SRPK2: variants seen among roughly 807,000 people sequenced by gnomAD.
SRPK2 encodes the protein SRSF protein kinase 2.
In SRPK2, 21 loss-of-function variants were observed where a neutral mutation model predicts 90.8. The observed-to-expected ratio is 0.23, with a 90% confidence interval of 0.16 to 0.33. The LOEUF (loss-of-function observed/expected upper bound fraction) is 0.33, where lower values mean the gene tolerates loss of function less well. Ranked by LOEUF, SRPK2 falls within the 10% of genes least tolerant of loss-of-function variation. SRPK2 has a pLI of 1.00. For synonymous variants in SRPK2, 288 were observed against 311.1 expected (o/e 0.93, Z 0.78); for missense variants, 620 against 869.0 (o/e 0.71, Z 3.60).
chr7:105,317,217 T>A (rs59946584), intron 2 of SRPK2, among the ~76,000 whole-genome samples: 1,532 of 152,348 alleles, frequency 0.01, 17 homozygotes, highest in African/African-American at 0.035. Context: ...ATTAAGCTGC[T>A]GGCATCTTAG....
chr7:105,291,304 T>C (rs1325122971), intron 2 of SRPK2, among the ~76,000 whole-genome samples: 1 of 152,222 alleles, frequency 6.6e-6, no homozygotes. Flanking sequence ...CTTGCCAAAG[T>C]ATTTTCACTC....
chr7:105,398,679 C>T (rs1378416061), intron 1 of SRPK2, among the ~76,000 whole-genome samples: 1 of 152,144 alleles, frequency 6.6e-6, no homozygotes, highest in African/African-American at 2.4e-5. Flanking sequence ...CTAATCTGCC[C>T]ATTCAATTAT....
chr7:105,126,773 G>A (rs1251054241), intron 14 of SRPK2, among the ~76,000 whole-genome samples: 3 of 152,356 alleles, frequency 2.0e-5, no homozygotes, highest in African/African-American at 7.2e-5. Context: ...AGCCGCTGGT[G>A]TAGGGCCCCT....
intron 2 of SRPK2, among the ~76,000 whole-genome samples, chr7:105,372,372 A>G (rs1213586339): frequency 6.6e-6 from 1 of 152,178 alleles, no homozygotes; most frequent in Non-Finnish European, 1.5e-5. Flanking sequence ...ACATTTGACT[A>G]TTTCATGTAT....
At chr7:105,386,469 T>C (rs1471665585) in intron 2 of SRPK2, among the ~76,000 whole-genome samples, 1 of 152,112 alleles carries the variant, frequency 6.6e-6, no homozygotes, top group Non-Finnish European at 1.5e-5. Flanking sequence ...ATCCCAGCTG[T>C]GTGGGAGGCC....
At chr7:105,391,924 A>G (rs573962654), upstream of SRPK2, among the ~76,000 whole-genome samples, 45 of 152,366 alleles carry the variant, frequency 3.0e-4, no homozygotes, top group Admixed American at 1.4e-3. Flanking sequence ...TAGCAGCGCT[A>G]TCACAGCCAA....
intron 2 of SRPK2, among the ~76,000 whole-genome samples, chr7:105,303,316 G>C (rs781591585): frequency 1.3e-5 from 2 of 152,066 alleles, no homozygotes; most frequent in Non-Finnish European, 2.9e-5. Flanking sequence ...GCCTGTCGTG[G>C]GGTGGGAGCT....
chr7:105,201,293 T>G (rs1795517818), intron 3 of SRPK2, among the ~76,000 whole-genome samples: 2 of 151,606 alleles, frequency 1.3e-5, no homozygotes, highest in African/African-American at 2.4e-5. Context: ...TTACCAAATT[T>G]GGGGGGGGCT....
chr7:105,198,196 G>A (rs1472770780), intron 3 of SRPK2, among the ~76,000 whole-genome samples: 4 of 152,050 alleles, frequency 2.6e-5, no homozygotes, highest in Non-Finnish European at 4.4e-5. Flanking sequence ...TTAAATATTT[G>A]GATTCCTAAG....
intron 13 of SRPK2, 122 bp from the exon 14 acceptor site, chr7:105,127,184 G>T (rs1801329382): frequency 1.2e-6 from 1 of 801,874 alleles, no homozygotes; most frequent in African/African-American, 1.7e-5. Context: ...ATAGCCTCCT[G>T]AAAGTGCTCA....
chr7:105,220,334 C>T (rs1177765684), intron 2 of SRPK2, among the ~76,000 whole-genome samples: 1 of 152,056 alleles, frequency 6.6e-6, no homozygotes, highest in Non-Finnish European at 1.5e-5. Context: ...CGATACCAGC[C>T]TGGCCAACAT....
chr7:105,353,041 C>T (rs921800370), intron 2 of SRPK2, among the ~76,000 whole-genome samples: 1 of 152,164 alleles, frequency 6.6e-6, no homozygotes, highest in African/African-American at 2.4e-5. Context: ...CTGCCTATCT[C>T]TGAGACTAAG....
intron 2 of SRPK2, among the ~76,000 whole-genome samples, chr7:105,207,690 C>T (rs1796380932): frequency 6.6e-6 from 1 of 152,098 alleles, no homozygotes; most frequent in African/African-American, 2.4e-5. Context: ...AGAGCTAAAA[C>T]TATAAAACTC....
chr7:105,290,608 T>C (rs988710714), intron 2 of SRPK2, among the ~76,000 whole-genome samples: 2 of 152,134 alleles, frequency 1.3e-5, no homozygotes, highest in Non-Finnish European at 2.9e-5. Flanking sequence ...GGTGGAAGGA[T>C]TATTTGAGGC....
At chr7:105,171,504 A>G (rs1791145130) in intron 3 of SRPK2, among the ~76,000 whole-genome samples, 1 of 152,374 alleles carries the variant, frequency 6.6e-6, no homozygotes, top group Admixed American at 6.5e-5. Context: ...AAATTACTCA[A>G]TAAAGATGTG....
intron 3 of SRPK2, among the ~76,000 whole-genome samples, chr7:105,181,923 T>G (rs1466702967): frequency 5.6e-5 from 7 of 125,272 alleles, no homozygotes; most frequent in Non-Finnish European, 8.8e-5. Flanking sequence ...AAAAACCAAA[T>G]GTAGGCTAAA....
intron 2 of SRPK2, among the ~76,000 whole-genome samples, chr7:105,351,731 G>A (rs953017329): frequency 2.6e-5 from 4 of 151,506 alleles, no homozygotes; most frequent in African/African-American, 9.7e-5. Flanking sequence ...TTGAACCCGG[G>A]GGGCGGAGGC....
At chr7:105,141,710 C>T (rs1483847797) in intron 11 of SRPK2, among the ~76,000 whole-genome samples, 4 of 152,162 alleles carry the variant, frequency 2.6e-5, no homozygotes, top group Admixed American at 2.6e-4. Context: ...ACTACACATT[C>T]TAGAAAGGTG....
intron 15 of SRPK2, among the ~76,000 whole-genome samples, chr7:105,125,144 A>AG (rs1245959972): frequency 1.3e-5 from 2 of 151,686 alleles, no homozygotes; most frequent in Non-Finnish European, 2.9e-5. Flanking sequence ...AAAAAAAAAA[A>AG]AAAAAGAATA....
Sources: gnomAD v4.1 joint callset for allele counts (sites outside exome capture counted in the v4.1 genomes callset) on GRCh38, gnomAD v4.1.1 for gene constraint, MANE v1.5 for transcripts, NCBI Gene and HGNC (gene_info 2026-07-23, HGNC 2026-07-21) for gene names.